Variants in COL17A1 observed in about 807,000 individuals in gnomAD.
The protein encoded by COL17A1 is collagen alpha-1(XVII) chain.
A neutral mutation model predicts 218.4 loss-of-function variants in COL17A1; 181 were observed. That is an observed-to-expected ratio of 0.83 (90% CI 0.73 to 0.94). The LOEUF (loss-of-function observed/expected upper bound fraction) is 0.94, where lower values mean the gene tolerates loss of function less well. Ranked by LOEUF, COL17A1 falls within the 40% of genes least tolerant of loss-of-function variation. COL17A1 has a pLI of 0.00. For synonymous variants in COL17A1, 721 were observed against 731.0 expected, an observed-to-expected ratio of 0.99 and a Z score of 0.22; for missense variants, 1,924 against 1,945.9, an observed-to-expected ratio of 0.99 and a Z score of 0.21.
intron 5 of COL17A1, among the ~76,000 whole-genome samples, chr10:104,074,947 A>T (rs917488917): frequency 1.3e-5 from 2 of 152,150 alleles, no homozygotes; most frequent in Non-Finnish European, 2.9e-5. Context: ...AACTCCAGGA[A>T]CCTTAGTAAT....
chr10:104,050,983 C>T (rs1017523374), intron 25 of COL17A1, 82 bp from the exon 26 acceptor site: 41 of 1,600,070 alleles, frequency 2.6e-5, no homozygotes, highest in Middle Eastern at 3.3e-4. Flanking sequence ...CACATGCACA[C>T]ATACAGGCAC....
In COL17A1 at chr10:104,080,824, G is replaced by A. The variant is rs531274313; in HGVS notation, c.-11-140C>T. 5.7e-6 allele frequency: 5 copies of A among 870,200 alleles called. No individual in the cohort carries two copies. The African/African-American group carries it at 8.5e-5, about 15-fold the overall frequency. The allele number at this position is 870,200 out of a possible 1,614,324, so 53.9% of individuals were successfully genotyped here. ...ATTCTTTCACGTGAATATTTTTTAT[G>A]AGTCATTCCCATTTCTTGTAACAGG... On this transcript the variant is annotated intron_variant, in intron 1 of 55. Transcript: ENST00000648076.
chr10:104,036,523 C>A lies in COL17A1; in HGVS notation c.3387G>T (p.Glu1129Asp). ...DGSLLSLDYA[E>D]LSSRILSYMS... ...TGTAGCTGAGAATGCGACTACTCAG[C>A]TCTGCATAGTCCAAAGACAGGAGGG... Residue 1129 changes from glutamate to aspartate, a missense_variant, in exon 48 of 56, where the codon GAG becomes GAT. Coordinates refer to ENST00000648076, the MANE Select transcript of COL17A1 (RefSeq NM_000494.4). 1 of 1,614,006 alleles carries A rather than the reference C, an allele frequency of 6.2e-7. No individual in the cohort carries two copies. Among genetic ancestry groups the A allele is most frequent in the South Asian group, 1.1e-5 (1 of 91,084 alleles).
At chr10:104,041,800 C>T (rs1003461548) in intron 36 of COL17A1, among the ~76,000 whole-genome samples, 55 of 152,218 alleles carry the variant, frequency 3.6e-4, no homozygotes, top group African/African-American at 1.1e-3. Context: ...CATTGGATTT[C>T]GGTGTCAGAA....
Position 104,039,516 on chromosome 10 carries a change from G to A in COL17A1, c.2825C>T (p.Ser942Phe), listed in dbSNP as rs758403358. 3.1e-6 allele frequency: 5 copies of A among 1,614,096 alleles called. No individual in the cohort carries two copies. In the African/African-American group the frequency reaches 5.3e-5, roughly 17 times the overall value. ...CTGAAGGTTGAGTCCGAAAGAACTG[G>A]ACCCTGGAAGCCAACAACACACACA... ...QGLPGFSTSGSSSFGLNLQGP... is the reference protein window; with the variant it reads ...QGLPGFSTSGFSSFGLNLQGP... The change falls in exon 43 of 56, where the codon TCC (serine) becomes TTC (phenylalanine). Residue 942 changes from serine to phenylalanine, a missense_variant. By Grantham distance (155) the Ser-to-Phe change is radical. Coordinates refer to ENST00000648076, the MANE Select transcript of COL17A1 (RefSeq NM_000494.4).
At chr10:104,041,563 G>A (rs1305018704) in intron 36 of COL17A1, 25 bp from the exon 37 acceptor site, 1 of 1,604,902 alleles carries the variant, frequency 6.2e-7, no homozygotes, top group South Asian at 1.1e-5. Context: ...AAATAGAAAT[G>A]AGCAAAAGCT....
intron 39 of COL17A1, among the ~76,000 whole-genome samples, chr10:104,040,656 G>A (rs1446146268): frequency 6.6e-6 from 1 of 152,108 alleles, no homozygotes; most frequent in Admixed American, 6.5e-5. Flanking sequence ...ATAAATGGAT[G>A]GGTGGATGGA....
In COL17A1 at chr10:104,051,486, G is replaced by A; in HGVS notation, c.2033C>T (p.Pro678Leu). The A allele has an allele frequency of 6.2e-7, 1 of 1,614,094 alleles. No individual in the cohort carries two copies. The highest frequency in any genetic ancestry group is 2.2e-5 in the East Asian group (1 of 44,874). ...GSSGSPGPQG[P>L]PGPVGLQGLR... Reference sequence around the variant, plus strand: ...ACAAGAAGCAGCAAACTGACCTGGAGGGCCCTGTGGGCCAGGAGAGCCGCT... The same window carrying A: ...ACAAGAAGCAGCAAACTGACCTGGAAGGCCCTGTGGGCCAGGAGAGCCGCT... Residue 678 changes from proline (P) to leucine (L), a missense_variant, in exon 25 of 56, where the codon CCT becomes CTT. Transcript: ENST00000648076.
intron 9 of COL17A1, among the ~76,000 whole-genome samples, chr10:104,066,257 A>G (rs550059083): frequency 3.0e-4 from 46 of 152,212 alleles, no homozygotes; most frequent in Non-Finnish European, 5.7e-4. Flanking sequence ...CCCCTGCCCA[A>G]CAAAAGAGGG....
chr10:104,075,003 C>T (rs2086698277), intron 5 of COL17A1, among the ~76,000 whole-genome samples: 1 of 152,198 alleles, frequency 6.6e-6, no homozygotes, highest in African/African-American at 2.4e-5. Context: ...ACCCTGAGCA[C>T]TCTCTTGTGT....
At chr10:104,080,801 T>C (rs1440019115) in intron 1 of COL17A1, 117 bp from the exon 2 acceptor site, 8 of 1,076,698 alleles carry the variant, frequency 7.4e-6, no homozygotes, top group Non-Finnish European at 1.1e-5. Context: ...AAACCATAAT[T>C]CTTTCACGTG....
In COL17A1 at chr10:104,077,514, C is replaced by G. The variant is rs1195468983; in HGVS notation, c.110G>C (p.Ser37Thr). ...AGAGGCTGTTTTAGCATAGCCATTG[C>G]TGGTCCCGCCTTCTGCCAGGAACAA... ...LTSLPPKGGT[S>T]NGYAKTASLG... Residue 37 changes from serine to threonine, a missense_variant, in exon 4 of 56, where the codon AGC (serine) becomes ACC (threonine). Coordinates refer to ENST00000648076, the MANE Select transcript of COL17A1 (RefSeq NM_000494.4). The G allele has an allele frequency of 6.2e-7, 1 of 1,611,912 alleles. No individual in the cohort carries two copies. Among genetic ancestry groups the G allele is most frequent in the South Asian group, 1.1e-5 (1 of 90,528 alleles).
chr10:104,035,797 AGTAT>A (rs1321562452), intron 48 of COL17A1, among the ~76,000 whole-genome samples: 2 of 148,344 alleles, frequency 1.3e-5, no homozygotes, highest in Non-Finnish European at 3.0e-5. Flanking sequence ...TGTGTGTATG[AGTAT>A]GTGTGTATGG....
chr10:104,053,595 A>G (rs940711119), intron 22 of COL17A1, among the ~76,000 whole-genome samples: 5 of 151,214 alleles, frequency 3.3e-5, no homozygotes, highest in Non-Finnish European at 2.9e-5. Context: ...TCTTTGCTCA[A>G]ATGGTGGCCT....
At position 104,064,558 on chromosome 10, in the gene COL17A1, G is replaced by T. The variant is rs1487282406; in HGVS notation, c.646C>A (p.Leu216Ile). 2.5e-6 allele frequency: 4 copies of T among 1,613,994 alleles called. No individual in the cohort carries two copies. The South Asian group carries it at 4.4e-5, about 18-fold the overall frequency. ...TYDATILDAN[L>I]PSHVWSSTLP... ...GTGGAGGACCACACATGGGAGGGAA[G>T]GTTGGCATCCAGGATCGTTGCATCG... The change falls in exon 10 of 56, where the codon CTT (leucine) becomes ATT (isoleucine). Residue 216 changes from leucine to isoleucine, a missense_variant. Transcript: ENST00000648076.
intron 48 of COL17A1, among the ~76,000 whole-genome samples, chr10:104,035,778 C>G (rs553475785): frequency 1.4e-3 from 91 of 67,126 alleles, no homozygotes; most frequent in African/African-American, 4.6e-3. Context: ...GTGCTTCATT[C>G]TGTGTGTGTG....
intron 35 of COL17A1, among the ~76,000 whole-genome samples, chr10:104,043,092 G>A (rs2086376255): frequency 6.6e-6 from 1 of 152,100 alleles, no homozygotes; most frequent in South Asian, 2.1e-4. Flanking sequence ...TAGCATTTTT[G>A]TTGCCCTGGA....
chr10:104,056,677 T>G (rs2086531570), intron 17 of COL17A1, among the ~76,000 whole-genome samples: 2 of 152,160 alleles, frequency 1.3e-5, no homozygotes. Context: ...AGTCCTGACC[T>G]TGTTACCAAG....
chr10:104,048,296 G>T (rs1311269325), intron 29 of COL17A1, 192 bp from the exon 30 acceptor site: 5 of 753,948 alleles, frequency 6.6e-6, no homozygotes, highest in Non-Finnish European at 1.2e-5. Flanking sequence ...ACCAGCAATT[G>T]TCTCTTTTCC....
Sources: allele counts gnomAD v4.1 joint callset (sites outside exome capture counted in the v4.1 genomes callset), GRCh38; gene constraint gnomAD v4.1.1; transcripts MANE v1.5; gene names NCBI Gene and HGNC (gene_info 2026-07-23, HGNC 2026-07-21).